The following CLINT1 variants were observed in gnomAD, a reference collection of about 807,000 sequenced individuals.
The protein encoded by CLINT1 is clathrin interactor 1.
CLINT1 carries 15 observed loss-of-function variants against 70.4 expected under a neutral mutation model. That is an observed-to-expected ratio of 0.21 (90% CI 0.14 to 0.33). The LOEUF is 0.33. CLINT1 is among the 10% of genes least tolerant of loss of function. The pLI is 1.00. For synonymous variants in CLINT1, 227 were observed against 254.7 expected, an observed-to-expected ratio of 0.89 and a Z score of 1.04; for missense variants, 615 against 778.1, an observed-to-expected ratio of 0.79 and a Z score of 2.49.
chr5:157,834,464 T>C (rs935244421), intron 1 of CLINT1, among the ~76,000 whole-genome samples: 4 of 152,080 alleles, frequency 2.6e-5, no homozygotes, highest in Admixed American at 1.3e-4. Context: ...AATTCTTAAA[T>C]AGCTTCTTTA....
intron 8 of CLINT1, among the ~76,000 whole-genome samples, chr5:157,800,734 GCTA>G (rs1762185935): frequency 6.6e-6 from 1 of 152,100 alleles, no homozygotes; most frequent in African/African-American, 2.4e-5. Flanking sequence ...AATATCAATT[GCTA>G]CTTCTATTTA....
rs572765846 is a variant in CLINT1, at chr5:157,827,628, G to A, written c.42-10081C>T. Among the ~76,000 whole-genome samples the A allele has an allele frequency of 5.9e-5, 9 of 152,234 alleles. No homozygotes were observed. The East Asian group carries it at 1.5e-3, about 26-fold the overall frequency. On this transcript the variant is annotated intron_variant, in intron 1 of 11. Coordinates refer to ENST00000411809, the MANE Select transcript of CLINT1 (RefSeq NM_014666.4). ...AACAGATGTGCAAAGAAAACTACAC[G>A]AATGCGATAAGCCAAGAAAAACATC...
At position 157,844,125 on chromosome 5, in the gene CLINT1, GATGT is replaced by G. The variant is rs371964476; in HGVS notation, c.41+14801_41+14804del. The stretch of plus-strand genomic sequence containing the variant: ...CATTTTTCACCAGTAATTAAACTTA[GATGT>G]ATTATCCAATCTCAAAAACTAGACT... On this transcript the variant is annotated intron_variant, in intron 1 of 11. Coordinates refer to ENST00000411809, the MANE Select transcript of CLINT1 (RefSeq NM_014666.4). Among the ~76,000 whole-genome samples, 424 of 151,968 alleles carry G rather than the reference GATGT, an allele frequency of 2.8e-3. 2 individuals carry two copies. Among genetic ancestry groups the G allele is most frequent in the African/African-American group, 9.7e-3 (401 of 41,460 alleles).
intron 1 of CLINT1, among the ~76,000 whole-genome samples, chr5:157,824,619 T>C (rs954693780): frequency 6.6e-6 from 1 of 152,172 alleles, no homozygotes; most frequent in Non-Finnish European, 1.5e-5. Flanking sequence ...TGTTATAAAA[T>C]AGCCATGCTG....
At chr5:157,848,814 A>G (rs1333765281) in intron 1 of CLINT1, among the ~76,000 whole-genome samples, 1 of 152,184 alleles carries the variant, frequency 6.6e-6, no homozygotes, top group Non-Finnish European at 1.5e-5. Flanking sequence ...GGCGCCCGCC[A>G]CCACGCCCAG....
chr5:157,791,842 G>A lies in CLINT1; in HGVS notation c.1241C>T (p.Pro414Leu). 1 of 1,613,992 alleles carries A rather than the reference G, an allele frequency of 6.2e-7. No individual in the cohort carries two copies. Among genetic ancestry groups the A allele is most frequent in the Non-Finnish European group, 8.5e-7 (1 of 1,179,878 alleles). ...GTCTGAAGAATTTGAGGCAGCAGGA[G>A]GTGGGCCTAGAGCTGATTGTGAGCC... The part of the protein sequence containing the change: ...VSGSQSALGP[P>L]PAASNSSDLF... Residue 414 changes from proline (P) to leucine (L), a missense_variant, in exon 10 of 12, where the codon CCT becomes CTT. Transcript: ENST00000411809.
chr5:157,792,510 T>G (rs987549628), intron 9 of CLINT1, among the ~76,000 whole-genome samples: 1 of 152,158 alleles, frequency 6.6e-6, no homozygotes. Context: ...ATTGTGCCAC[T>G]GCACTCCAGC....
intron 1 of CLINT1, among the ~76,000 whole-genome samples, chr5:157,846,561 G>T (rs1347682245): frequency 6.6e-6 from 1 of 152,224 alleles, no homozygotes; most frequent in African/African-American, 2.4e-5. Flanking sequence ...AGTAAGTGCT[G>T]ATGTAGAAGC....
At position 157,809,678 on chromosome 5, in the gene CLINT1, G is replaced by GGT. The variant is rs1762492522; in HGVS notation, c.643_644dup (p.Ile216ProfsTer43). 1 of 1,612,578 alleles carries GGT rather than the reference G, an allele frequency of 6.2e-7. No homozygotes were observed. ...TATCTTTCCTCCGGAACTTGCTGAT[G>GGT]GTGTCATCAATTGTGCTTCCAATTT... is the stretch of plus-strand genomic sequence containing the variant. On this transcript the variant is annotated frameshift_variant, in exon 6 of 12. Transcript: ENST00000411809. LOFTEE classifies it high-confidence loss of function.
chr5:157,801,893 T>A (rs996617801), intron 8 of CLINT1, among the ~76,000 whole-genome samples: 3 of 148,290 alleles, frequency 2.0e-5, no homozygotes, highest in African/African-American at 7.7e-5. Context: ...AAAGGTTAAG[T>A]TAAAGTTTTT....
At chr5:157,852,339 G>C (rs1489553815) in intron 1 of CLINT1, among the ~76,000 whole-genome samples, 1 of 152,098 alleles carries the variant, frequency 6.6e-6, no homozygotes, top group East Asian at 1.9e-4. Flanking sequence ...ATAATACAAG[G>C]CATAAACAAC....
rs1761751290 is a variant in CLINT1, at chr5:157,787,208, G to C, written c.*438C>G. On this transcript the variant is annotated 3_prime_UTR_variant, in exon 12 of 12. Transcript: ENST00000411809. ...TCCAACTTTAATGATTTCATATATG[G>C]ACTCAAGAGTGGTAGTAAAAGGAAC... is the stretch of plus-strand genomic sequence containing the variant. 6.4e-6 allele frequency: 1 copy of C among 156,292 alleles called. No homozygotes were observed. The highest frequency in any genetic ancestry group is 1.4e-5 in the Non-Finnish European group (1 of 70,724). The allele number at this position is 156,292 out of a possible 1,614,324, so 9.7% of individuals were successfully genotyped here.
intron 1 of CLINT1, among the ~76,000 whole-genome samples, chr5:157,855,739 A>C (rs1753737553): frequency 6.6e-6 from 1 of 152,196 alleles, no homozygotes; most frequent in Admixed American, 6.5e-5. Context: ...GTTCAAGACC[A>C]GCCTGGCCAA....
chr5:157,812,615 G>A (rs1194102349), intron 5 of CLINT1, among the ~76,000 whole-genome samples: 1 of 152,162 alleles, frequency 6.6e-6, no homozygotes, highest in African/African-American at 2.4e-5. Context: ...GAGAGACTGA[G>A]GCTGGAATGA....
chr5:157,790,727 G>A (rs993865826), intron 10 of CLINT1: 7 of 433,482 alleles, frequency 1.6e-5, no homozygotes, highest in Non-Finnish European at 3.2e-5. Context: ...CAAGTTCCTG[G>A]TACCATTCAG....
rs1056523604 is a variant in CLINT1 at position 157,816,470 on chromosome 5, T to G, written c.243+264A>C. Reference sequence around the variant, plus strand: ...CACTACTCTACTATAGATTCATTATTTTTGATATGCACAAACATTTTAGTA... The same window carrying G: ...CACTACTCTACTATAGATTCATTATGTTTGATATGCACAAACATTTTAGTA... On this transcript the variant is annotated intron_variant, in intron 3 of 11. Coordinates refer to ENST00000411809, the MANE Select transcript of CLINT1 (RefSeq NM_014666.4). 5.3e-5 allele frequency among the ~76,000 whole-genome samples: 8 copies of G among 152,172 alleles called. No individual in the cohort carries two copies. The East Asian group carries it at 1.5e-3, about 29-fold the overall frequency.
At chr5:157,826,799 G>C (rs1561659632) in intron 1 of CLINT1, among the ~76,000 whole-genome samples, 1 of 152,156 alleles carries the variant, frequency 6.6e-6, no homozygotes, top group Non-Finnish European at 1.5e-5. Flanking sequence ...TGAGCAATTT[G>C]ATGAGTAGCT....
rs535226061 is a variant in CLINT1 at position 157,824,249 on chromosome 5, A to G, written c.42-6702T>C. Among the ~76,000 whole-genome samples, 14 of 152,298 alleles carry G rather than the reference A, an allele frequency of 9.2e-5. No homozygotes were observed. The East Asian group carries it at 2.5e-3, about 27-fold the overall frequency. On this transcript the variant is annotated intron_variant, in intron 1 of 11. Coordinates refer to ENST00000411809, the MANE Select transcript of CLINT1 (RefSeq NM_014666.4). ...TTTATCAGGGGATAGCCTCCACCACATTACCCTTGTTTGCAAGTTGAACAT... is the reference window on the plus strand; with the variant it reads ...TTTATCAGGGGATAGCCTCCACCACGTTACCCTTGTTTGCAAGTTGAACAT...
intron 1 of CLINT1, among the ~76,000 whole-genome samples, chr5:157,852,578 TTACTG>T (rs1381688167): frequency 6.6e-6 from 1 of 152,232 alleles, no homozygotes; most frequent in Non-Finnish European, 1.5e-5. Context: ...TTTCAAGAGT[TTACTG>T]TATGTCAAGT....
Sources: gnomAD v4.1 joint callset for allele counts (sites outside exome capture counted in the v4.1 genomes callset) on GRCh38, gnomAD v4.1.1 for gene constraint, MANE v1.5 for transcripts, NCBI Gene and HGNC (gene_info 2026-07-23, HGNC 2026-07-21) for gene names.